FOCAD: variants seen among roughly 807,000 people sequenced by gnomAD.
FOCAD encodes focadhesin, also known as KIAA1797.
Under a neutral mutation model 225.6 loss-of-function variants are expected in FOCAD, and 198 were observed. That is an observed-to-expected ratio of 0.88 (90% CI 0.78 to 0.99). FOCAD has a LOEUF of 0.99. Among genes scored for constraint, FOCAD ranks in the 50% least tolerant of loss-of-function variants. FOCAD has a pLI of 0.00. For synonymous variants in FOCAD, 897 were observed against 755.0 expected, an observed-to-expected ratio of 1.19 and a Z score of -3.08; for missense variants, 2,713 against 2,123.6, an observed-to-expected ratio of 1.28 and a Z score of -5.46.
At chr9:20,722,295 C>A (rs1024920492) in intron 4 of FOCAD, among the ~76,000 whole-genome samples, 4 of 152,082 alleles carry the variant, frequency 2.6e-5, no homozygotes, top group African/African-American at 9.6e-5. Flanking sequence ...AGTTATGTTT[C>A]CCCCCATGAA....
chr9:20,793,066 C>G (rs1402705787), intron 11 of FOCAD, among the ~76,000 whole-genome samples: 1 of 152,170 alleles, frequency 6.6e-6, no homozygotes, highest in African/African-American at 2.4e-5. Flanking sequence ...TTGCTACCCC[C>G]TGAAGTCAGT....
intron 35 of FOCAD, among the ~76,000 whole-genome samples, chr9:20,972,520 T>C (rs1346145564): frequency 6.6e-6 from 1 of 151,924 alleles, no homozygotes; most frequent in East Asian, 1.9e-4. Flanking sequence ...TTTTAGCTGC[T>C]CTTTTTTCCT....
upstream of FOCAD, among the ~76,000 whole-genome samples, chr9:20,656,142 T>G (rs565242402): frequency 6.7e-6 from 1 of 149,330 alleles, no homozygotes; most frequent in Non-Finnish European, 1.5e-5. Flanking sequence ...GTCTGAGAGA[T>G]AGTTTGTTAT....
intron 7 of FOCAD, among the ~76,000 whole-genome samples, chr9:20,766,566 G>A (rs929143874): frequency 1.3e-5 from 2 of 151,750 alleles, no homozygotes; most frequent in Non-Finnish European, 2.9e-5. Context: ...AGAACAAAAT[G>A]AAATAAGCTT....
chr9:20,886,605 A>C (rs980818880), intron 21 of FOCAD, among the ~76,000 whole-genome samples: 1 of 152,206 alleles, frequency 6.6e-6, no homozygotes, highest in Non-Finnish European at 1.5e-5. Context: ...TTGGGTTAAG[A>C]TACTTGTTGC....
intron 3 of FOCAD, among the ~76,000 whole-genome samples, chr9:20,718,539 T>C (rs1361197829): frequency 6.6e-6 from 1 of 152,240 alleles, no homozygotes; most frequent in Non-Finnish European, 1.5e-5. Context: ...ATTGATTTCC[T>C]TTGTCTCACA....
chr9:20,787,388 A>G (rs1023576290), intron 10 of FOCAD, among the ~76,000 whole-genome samples: 2 of 152,302 alleles, frequency 1.3e-5, no homozygotes, highest in Admixed American at 6.5e-5. Context: ...AAATTTTACA[A>G]ACGAGTAAAG....
chr9:20,664,688 A>T (rs1482989507), intron 2 of FOCAD, among the ~76,000 whole-genome samples: 4 of 136,418 alleles, frequency 2.9e-5, no homozygotes, highest in African/African-American at 1.1e-4. Flanking sequence ...TTTGTTGACC[A>T]GGCTGGTTTC....
rs1489640545 is a variant in FOCAD, at chr9:20,717,669, C to A, written c.58-125C>A. 1.7e-5 allele frequency: 12 copies of A among 688,186 alleles called. No homozygotes were observed. In the East Asian group the frequency reaches 3.4e-4, roughly 19 times the overall value. The allele number at this position is 688,186 out of a possible 1,614,324, so 42.6% of individuals were successfully genotyped here. A position where few individuals can be genotyped will look rare whatever the true frequency, so the allele number is the denominator to read the frequency against. On this transcript the variant is annotated intron_variant, in intron 2 of 43. Coordinates refer to ENST00000338382, the MANE Select transcript of FOCAD (RefSeq NM_001375567.1). ...CTAATTCAATGCCTTCTACATAGCA[C>A]ACACTTAGTTAATGGGAATTTTACT...
chr9:20,939,748 T>C (rs1304973459), intron 28 of FOCAD, among the ~76,000 whole-genome samples: 1 of 151,624 alleles, frequency 6.6e-6, no homozygotes, highest in African/African-American at 2.4e-5. Context: ...TTTTATTTTT[T>C]TTCTTTCTTT....
At chr9:20,846,222 CTG>C (rs1479382689) in intron 15 of FOCAD, among the ~76,000 whole-genome samples, 6 of 152,116 alleles carry the variant, frequency 3.9e-5, no homozygotes, top group Middle Eastern at 3.2e-3. Context: ...TAAGAAATCA[CTG>C]TGGAGAAATG....
chr9:20,905,948 A>G (rs79408307), intron 21 of FOCAD, among the ~76,000 whole-genome samples: 1 of 94,832 alleles, frequency 1.1e-5, no homozygotes, highest in African/African-American at 4.0e-5. Flanking sequence ...TTTTTTTTTT[A>G]AAAACAGCAA....
chr9:20,757,078 C>T (rs1202359517), intron 5 of FOCAD, among the ~76,000 whole-genome samples: 2 of 152,024 alleles, frequency 1.3e-5, no homozygotes, highest in African/African-American at 2.4e-5. Context: ...TACAGGCATG[C>T]GCCACCATTC....
chr9:20,858,702 C>G (rs1196984515), intron 15 of FOCAD, among the ~76,000 whole-genome samples: 3 of 151,994 alleles, frequency 2.0e-5, no homozygotes, highest in Non-Finnish European at 2.9e-5. Context: ...TGAAGTTTTT[C>G]TACTTTATTG....
chr9:20,874,902 C>A (rs1323739680), intron 19 of FOCAD, 95 bp downstream of exon 19: 5 of 1,451,652 alleles, frequency 3.4e-6, no homozygotes, highest in Non-Finnish European at 4.8e-6. Flanking sequence ...TATAGTTTAA[C>A]CTTATGTGCT....
intron 40 of FOCAD, among the ~76,000 whole-genome samples, chr9:20,987,649 G>C (rs1841310042): frequency 1.3e-5 from 2 of 152,248 alleles, no homozygotes; most frequent in Non-Finnish European, 2.9e-5. Flanking sequence ...AAAAGTGTAT[G>C]TATCAGGAAG....
At chr9:20,667,913 G>T (rs574952341) in intron 2 of FOCAD, among the ~76,000 whole-genome samples, 1 of 152,098 alleles carries the variant, frequency 6.6e-6, no homozygotes, top group East Asian at 1.9e-4. Context: ...AACAGAAGTG[G>T]AGTTGAATCA....
chr9:20,789,388 A>G lies in FOCAD; in HGVS notation c.1235A>G (p.Tyr412Cys), dbSNP rs772043798. The G allele has an allele frequency of 9.9e-6, 16 of 1,613,896 alleles. No homozygotes were observed. Among genetic ancestry groups the G allele is most frequent in the African/African-American group, 4.0e-5 (3 of 74,906 alleles). The stretch of plus-strand genomic sequence containing the variant: ...CTTGTGTGCCCTGTAACCAGTATGT[A>G]TGGTACAATATTTACAGCCTGGAGG... ...YKLVCPVTSMYGTIFTAWRIL... is the reference protein window; with the variant it reads ...YKLVCPVTSMCGTIFTAWRIL... The change falls in exon 11 of 44, where the codon TAT becomes TGT. Residue 412 changes from tyrosine to cysteine, a missense_variant. Tyr to Cys is a radical substitution (Grantham distance 194, BLOSUM62 -2). Coordinates refer to ENST00000338382, the MANE Select transcript of FOCAD (RefSeq NM_001375567.1).
rs1280601228 is a variant in FOCAD at position 20,717,878 on chromosome 9, T to C, written c.132+10T>C. On this transcript the variant is annotated intron_variant, in intron 3 of 43. Coordinates refer to ENST00000338382, the MANE Select transcript of FOCAD (RefSeq NM_001375567.1). The stretch of plus-strand genomic sequence containing the variant: ...CCAATCTACAAATCAGGTCTGTGTT[T>C]AACTTTATGCTTTAATTCTCTTCAG... The C allele has an allele frequency of 6.2e-7, 1 of 1,607,106 alleles. No homozygotes were observed. Among genetic ancestry groups the C allele is most frequent in the Admixed American group, 1.7e-5 (1 of 59,982 alleles).
Sources: allele counts gnomAD v4.1 joint callset (sites outside exome capture counted in the v4.1 genomes callset), GRCh38; gene constraint gnomAD v4.1.1; transcripts MANE v1.5; gene names NCBI Gene and HGNC (gene_info 2026-07-23, HGNC 2026-07-21).